RRP9: variants seen among roughly 807,000 people sequenced by gnomAD.
RRP9 encodes U3 small nucleolar RNA-interacting protein 2.
Under a neutral mutation model 65.5 loss-of-function variants are expected in RRP9, and 35 were observed. The observed-to-expected ratio is 0.53, with a 90% confidence interval of 0.41 to 0.71. The LOEUF (loss-of-function observed/expected upper bound fraction) is 0.71. Ranked by LOEUF, RRP9 falls within the 30% of genes least tolerant of loss-of-function variation. The pLI is 0.00. For synonymous variants in RRP9, 254 were observed against 245.0 expected, an observed-to-expected ratio of 1.04 and a Z score of -0.34; for missense variants, 533 against 633.6, an observed-to-expected ratio of 0.84 and a Z score of 1.70.
chr3:51,934,853 G>A lies in RRP9; in HGVS notation c.1035-77C>T, dbSNP rs1339695012. 3.4e-6 allele frequency: 5 copies of A among 1,466,450 alleles called. No individual in the cohort carries two copies. In the African/African-American group the frequency reaches 5.6e-5, roughly 16 times the overall value. The allele number at this position is 1,466,450 out of a possible 1,614,324, so 90.8% of individuals were successfully genotyped here. On this transcript the variant is annotated intron_variant, in intron 11 of 14. Coordinates refer to ENST00000232888, the MANE Select transcript of RRP9 (RefSeq NM_004704.5). This position sits in a 1 kb window ranked among gnomAD's most constrained non-coding sequence, Gnocchi z 4.1. ...CCCCTGTGTAACACAAAGGATTAATGCTTGAGGGGATGGATACCCCATTTC... is the reference window on the plus strand; with the variant it reads ...CCCCTGTGTAACACAAAGGATTAATACTTGAGGGGATGGATACCCCATTTC...
chr3:51,935,767 C>T, intron 8 of RRP9, 75 bp from the exon 9 acceptor site: 2 of 1,307,372 alleles, frequency 1.5e-6, no homozygotes, highest in Non-Finnish European at 2.2e-6. Context: ...CCAGGGAGGA[C>T]TTCCCAAAAA....
Position 51,933,435 on chromosome 3 carries a change from A to G in RRP9, c.*71T>C. 7.4e-7 allele frequency: 1 copy of G among 1,347,174 alleles called. No individual in the cohort carries two copies. The highest frequency in any genetic ancestry group is 1.0e-6 in the Non-Finnish European group (1 of 954,500). 83.5% of individuals were successfully genotyped at this position (1,347,174 alleles called of 1,614,324 possible). A position where few individuals can be genotyped will look rare whatever the true frequency, so the allele number is the denominator to read the frequency against. Reference sequence around the variant, plus strand: ...AGAAGCTACAAGAAACAAGGCCCAAAAGAGGAGGCTTTTAATACAAAGAGG... The same window carrying G: ...AGAAGCTACAAGAAACAAGGCCCAAGAGAGGAGGCTTTTAATACAAAGAGG... On this transcript the variant is annotated 3_prime_UTR_variant, in exon 15 of 15. Coordinates refer to ENST00000232888, the MANE Select transcript of RRP9 (RefSeq NM_004704.5).
chr3:51,937,101 G>A lies in RRP9; in HGVS notation c.517+91C>T. The stretch of plus-strand genomic sequence containing the variant: ...TGCCTCCAGAGACTTCCCCACTTCA[G>A]GGCTCAGCCTGCCATGACCACTCCC... On this transcript the variant is annotated intron_variant, in intron 6 of 14. Coordinates refer to ENST00000232888, the MANE Select transcript of RRP9 (RefSeq NM_004704.5). This position sits in a 1 kb window ranked among gnomAD's most constrained non-coding sequence, Gnocchi z 5.0. The A allele has an allele frequency of 1.3e-6, 2 of 1,511,766 alleles. No homozygotes were observed. The highest frequency in any genetic ancestry group is 1.8e-6 in the Non-Finnish European group (2 of 1,105,976). 93.6% of individuals were successfully genotyped at this position (1,511,766 alleles called of 1,614,324 possible). A position where few individuals can be genotyped will look rare whatever the true frequency, so the allele number is the denominator to read the frequency against.
chr3:51,935,125 G>T, intron 11 of RRP9, 72 bp downstream of exon 11: 3 of 1,475,900 alleles, frequency 2.0e-6, no homozygotes, highest in Non-Finnish European at 2.8e-6. Context: ...CCTGAGGCAA[G>T]CTCAGGGCCC....
At position 51,938,102 on chromosome 3, in the gene RRP9, A is replaced by T; in HGVS notation, c.273T>A (p.Arg91=). 6.3e-7 allele frequency: 1 copy of T among 1,599,906 alleles called. No individual in the cohort carries two copies. Residue 91 remains arginine (R), a synonymous_variant, in exon 3 of 15, where the codon CGT becomes CGA. Transcript: ENST00000232888. ...GCCTGCCCACTGGCTCACCTTGCTG[A>T]CGGAGCTGCTCTAGGTAGAGCTTGG... ...RLAKLYLEQL[R]QQEEEKAEAR... is the part of the protein sequence containing the mutation.
Position 51,934,360 on chromosome 3 carries a change from C to T in RRP9, c.1260+112G>A. ...TGCCAGGCCCTGTGCTAGGAGCTGGCCCTGCCCTGAGAAGGTTCCCTTCTG... is the reference window on the plus strand; with the variant it reads ...TGCCAGGCCCTGTGCTAGGAGCTGGTCCTGCCCTGAGAAGGTTCCCTTCTG... On this transcript the variant is annotated intron_variant, in intron 13 of 14. Transcript: ENST00000232888. This position sits in a 1 kb window ranked among gnomAD's most constrained non-coding sequence, Gnocchi z 4.1. 9.0e-7 allele frequency: 1 copy of T among 1,115,128 alleles called. No individual in the cohort carries two copies. Among genetic ancestry groups the T allele is most frequent in the East Asian group, 2.5e-5 (1 of 39,668 alleles). The allele number at this position is 1,115,128 out of a possible 1,614,324, so 69.1% of individuals were successfully genotyped here.
In RRP9 at chr3:51,936,411, C is replaced by G; in HGVS notation, c.642+20G>C. ...ATGCACCAGACCTCCCGCCTGCCCCCAGGGCCAACCTGGCCTTACAAGGTA... is the reference window on the plus strand; with the variant it reads ...ATGCACCAGACCTCCCGCCTGCCCCGAGGGCCAACCTGGCCTTACAAGGTA... On this transcript the variant is annotated intron_variant, in intron 7 of 14. Coordinates refer to ENST00000232888, the MANE Select transcript of RRP9 (RefSeq NM_004704.5). The G allele has an allele frequency of 2.5e-5, 40 of 1,614,254 alleles. No individual in the cohort carries two copies. Among genetic ancestry groups the G allele is most frequent in the Non-Finnish European group, 3.3e-5 (39 of 1,180,050 alleles).
intron 8 of RRP9, among the ~76,000 whole-genome samples, 160 bp from the exon 9 acceptor site, chr3:51,935,852 C>T (rs1465417298): frequency 6.6e-5 from 10 of 152,292 alleles, no homozygotes; most frequent in Non-Finnish European, 1.5e-4. Context: ...CAGATGCAGA[C>T]GTCTTTTTTA....
intron 13 of RRP9, 35 bp from the exon 14 acceptor site, chr3:51,933,816 C>T (rs562040719): frequency 5.0e-6 from 8 of 1,594,024 alleles, no homozygotes; most frequent in East Asian, 2.2e-5. Context: ...GACATTAGAA[C>T]GCCCCCCGCC....
At position 51,934,621 on chromosome 3, in the gene RRP9, G is replaced by T; in HGVS notation, c.1180+10C>A. On this transcript the variant is annotated intron_variant, in intron 12 of 14. Coordinates refer to ENST00000232888, the MANE Select transcript of RRP9 (RefSeq NM_004704.5). The surrounding 1 kb of genome is among the most constrained non-coding windows in gnomAD (Gnocchi z 4.1). ...GGCGACCCCTCCTCCCTGCCTCTCA[G>T]GGCACCCACCTGTGGCCACAAGGTC... 2 of 1,614,000 alleles carry T rather than the reference G, an allele frequency of 1.2e-6. No homozygotes were observed. The highest frequency in any genetic ancestry group is 1.7e-6 in the Non-Finnish European group (2 of 1,179,936).
rs1473258713 is a variant in RRP9 at position 51,934,948 on chromosome 3, C to A, written c.1035-172G>T. Among the ~76,000 whole-genome samples, 1 of 152,052 alleles carries A rather than the reference C, an allele frequency of 6.6e-6. No homozygotes were observed. The highest frequency in any genetic ancestry group is 6.5e-5 in the Admixed American group (1 of 15,270). On this transcript the variant is annotated intron_variant, in intron 11 of 14. Transcript: ENST00000232888. The surrounding 1 kb of genome is among the most constrained non-coding windows in gnomAD (Gnocchi z 4.1). Reference sequence around the variant, plus strand: ...TCAAGTACCCCACAAATACGTACACCTACTAAGCACCCACAACAAATTTTT... The same window carrying A: ...TCAAGTACCCCACAAATACGTACACATACTAAGCACCCACAACAAATTTTT...
Position 51,936,256 on chromosome 3 carries a change from C to T in RRP9, c.735+1G>A. On this transcript the variant is annotated splice_donor_variant, in intron 8 of 14. Transcript: ENST00000232888. LOFTEE classifies it high-confidence loss of function. Reference sequence around the variant, plus strand: ...CCACTGACATAGACCCAGCTCCTCACCGACACTGCATCCCGGTGTCCTGTG... The same window carrying T: ...CCACTGACATAGACCCAGCTCCTCATCGACACTGCATCCCGGTGTCCTGTG... 6 of 1,613,646 alleles carry T rather than the reference C, an allele frequency of 3.7e-6. No individual in the cohort carries two copies. Among genetic ancestry groups the T allele is most frequent in the Non-Finnish European group, 5.1e-6 (6 of 1,179,506 alleles).
Position 51,934,817 on chromosome 3 carries a change from G to C in RRP9, c.1035-41C>G, listed in dbSNP as rs200776556. On this transcript the variant is annotated intron_variant, in intron 11 of 14. Transcript: ENST00000232888. This position sits in a 1 kb window ranked among gnomAD's most constrained non-coding sequence, Gnocchi z 4.1. Reference sequence around the variant, plus strand: ...GAATACAGCAGTGAGGGGGCCAGAGGCAGAAAAGGCCCCCTGTGTAACACA... The same window carrying C: ...GAATACAGCAGTGAGGGGGCCAGAGCCAGAAAAGGCCCCCTGTGTAACACA... 47 of 1,589,996 alleles carry C rather than the reference G, an allele frequency of 3.0e-5. No individual in the cohort carries two copies. In the African/African-American group the frequency reaches 6.2e-4, roughly 21 times the overall value.
At chr3:51,938,772 G>T (rs1699485109) in intron 2 of RRP9, among the ~76,000 whole-genome samples, 1 of 152,170 alleles carries the variant, frequency 6.6e-6, no homozygotes, top group Admixed American at 6.5e-5. Flanking sequence ...GGAAACCAGA[G>T]ATGCGACACA....
At chr3:51,936,886 C>T (rs143753740) in intron 6 of RRP9, among the ~76,000 whole-genome samples, 7 of 152,334 alleles carry the variant, frequency 4.6e-5, no homozygotes, top group East Asian at 1.9e-4. Context: ...CCAGGAGGAC[C>T]GGGCACTCAA....
At chr3:51,935,135 C>A (rs1247289951) in intron 11 of RRP9, 62 bp downstream of exon 11, 34 of 1,588,342 alleles carry the variant, frequency 2.1e-5, no homozygotes, top group Non-Finnish European at 2.9e-5. Context: ...GCTCAGGGCC[C>A]CGTGGACAGC....
chr3:51,941,337 C>T (rs769031519), intron 2 of RRP9, 72 bp downstream of exon 2: 23 of 1,247,864 alleles, frequency 1.8e-5, no homozygotes, highest in Middle Eastern at 1.8e-4. Flanking sequence ...CAGTTCTGTT[C>T]GGACTCACTC....
At chr3:51,940,951 C>T (rs371857179) in intron 2 of RRP9, among the ~76,000 whole-genome samples, 3 of 152,190 alleles carry the variant, frequency 2.0e-5, no homozygotes, top group Admixed American at 1.3e-4. Flanking sequence ...CTCCTCTGTT[C>T]CCAGAACACA....
intron 1 of RRP9, 72 bp from the exon 2 acceptor site, chr3:51,941,563 C>T (rs959999352): frequency 7.2e-7 from 1 of 1,395,668 alleles, no homozygotes; most frequent in East Asian, 2.3e-5. Flanking sequence ...GCCCCCCCCC[C>T]TCGGTTCCCT....
Sources: gnomAD v4.1 joint callset for allele counts (sites outside exome capture counted in the v4.1 genomes callset) on GRCh38, gnomAD v4.1.1 for gene constraint, Gnocchi (gnomAD v3.1) non-coding constraint, MANE v1.5 for transcripts, NCBI Gene and HGNC (gene_info 2026-07-23, HGNC 2026-07-21) for gene names.